The following SCN3A variants were observed in gnomAD, a reference collection of about 807,000 sequenced individuals.
SCN3A encodes the protein sodium voltage-gated channel alpha subunit 3, also known as sodium channel protein type 3 subunit alpha.
A neutral mutation model predicts 187.6 loss-of-function variants in SCN3A; 60 were observed. That is an observed-to-expected ratio of 0.32 (90% confidence interval 0.26 to 0.40). The LOEUF is 0.40. Ranked by LOEUF, SCN3A falls within the 10% of genes least tolerant of loss-of-function variation. The pLI, the probability that SCN3A is intolerant of heterozygous loss-of-function variation, is 1.00. For missense variants in SCN3A, 1,601 were observed against 2,428.2 expected (o/e 0.66, Z 7.16); for synonymous variants, 788 against 829.2 (o/e 0.95, Z 0.85).
In SCN3A at chr2:165,153,870, A is replaced by T. The variant is rs545199124; in HGVS notation, c.1380+582T>A. 2.0e-5 allele frequency among the ~76,000 whole-genome samples: 3 copies of T among 151,794 alleles called. No individual in the cohort carries two copies. The East Asian group carries it at 5.8e-4, about 29-fold the overall frequency. On this transcript the variant is annotated intron_variant, in intron 11 of 27. Transcript: ENST00000283254. Reference sequence around the variant, plus strand: ...TGTTTCCGTCTCTTCTCCTCAACACATTAATGTCCCATTCACTATACCCCT... The same window carrying T: ...TGTTTCCGTCTCTTCTCCTCAACACTTTAATGTCCCATTCACTATACCCCT...
Position 165,092,359 on chromosome 2 carries a change from G to A in SCN3A, c.4702C>T (p.Leu1568=). ...TTCAGCACAAATTCTCCAGTGAACAGAACAATGAACACTAGGTTGATCCGG... is the reference window on the plus strand; with the variant it reads ...TTCAGCACAAATTCTCCAGTGAACAAAACAATGAACACTAGGTTGATCCGG... ...LSRINLVFIV[L]FTGEFVLKLV... is the part of the protein sequence containing the mutation. Residue 1568 remains leucine, a synonymous_variant, in exon 27 of 28, where the codon CTG becomes TTG. Transcript: ENST00000283254. The surrounding 1 kb of genome is among the most constrained non-coding windows in gnomAD (Gnocchi z 4.2). 1.2e-6 allele frequency: 2 copies of A among 1,613,920 alleles called. No individual in the cohort carries two copies. The highest frequency in any genetic ancestry group is 2.2e-5 in the South Asian group (2 of 91,076).
At chr2:165,202,966 T>G (rs1487822839) in intron 1 of SCN3A, among the ~76,000 whole-genome samples, 1 of 152,036 alleles carries the variant, frequency 6.6e-6, no homozygotes, top group Non-Finnish European at 1.5e-5. Flanking sequence ...ATGAAACATT[T>G]ATGGTTATGA....
chr2:165,097,156 G>A (rs1178497731), intron 23 of SCN3A, 96 bp downstream of exon 23: 3 of 1,408,870 alleles, frequency 2.1e-6, no homozygotes, highest in Non-Finnish European at 3.0e-6. Context: ...TTTTCATGCT[G>A]TCAAATGTTA....
intron 19 of SCN3A, among the ~76,000 whole-genome samples, chr2:165,114,544 C>T (rs1686267224): frequency 6.6e-6 from 1 of 152,190 alleles, no homozygotes; most frequent in Non-Finnish European, 1.5e-5. Flanking sequence ...AACTCCCATC[C>T]ACTCTTCTGC....
chr2:165,165,807 A>G (rs4667793), intron 5 of SCN3A, among the ~76,000 whole-genome samples: 34,398 of 152,142 alleles, frequency 0.23, 5,093 homozygotes, highest in East Asian at 0.52. Flanking sequence ...AGACATCAAG[A>G]ATAATTTATG....
chr2:165,174,554 CTGAT>C (rs1259882989), intron 3 of SCN3A, among the ~76,000 whole-genome samples: 1 of 152,148 alleles, frequency 6.6e-6, no homozygotes, highest in African/African-American at 2.4e-5. Context: ...TCTTACCAGC[CTGAT>C]TGATTCTCTT....
Position 165,091,032 on chromosome 2 carries a change from G to T in SCN3A, c.5121C>A (p.Thr1707=), listed in dbSNP as rs11885001. Residue 1707 remains threonine (T), a synonymous_variant, in exon 28 of 28, where the codon ACC becomes ACA. Coordinates refer to ENST00000283254, the MANE Select transcript of SCN3A (RefSeq NM_006922.4). ...CTAGCAATCCATCCCAGCCAGCAGA[G>T]GTTGTAATTTGGAACAAGCAGATCA... is the stretch of plus-strand genomic sequence containing the variant. The part of the protein sequence containing the change: ...NSMICLFQIT[T]SAGWDGLLAP... The T allele has an allele frequency of 4.6e-3, 7,478 of 1,614,074 alleles. 307 individuals carry two copies. In the African/African-American group the frequency reaches 0.088, roughly 19 times the overall value.
intron 1 of SCN3A, among the ~76,000 whole-genome samples, chr2:165,198,676 C>A (rs1208123045): frequency 6.6e-6 from 1 of 152,032 alleles, no homozygotes; most frequent in Non-Finnish European, 1.5e-5. Flanking sequence ...TCAGGCCCAA[C>A]ATGAATGGCT....
chr2:165,163,959 TG>T, intron 6 of SCN3A: 1 of 1,424,770 alleles, frequency 7.0e-7, no homozygotes, highest in Non-Finnish European at 9.8e-7. Context: ...GACTTAATGC[TG>T]GGTTTGGCAC....
At chr2:165,094,334 G>A (rs370178141) in intron 26 of SCN3A, 40 bp downstream of exon 26, 37 of 1,383,206 alleles carry the variant, frequency 2.7e-5, no homozygotes, top group Admixed American at 2.2e-4. Flanking sequence ...CCATATGGAC[G>A]CATGGCTTTG....
At chr2:165,111,471 G>C (rs1412599376) in intron 21 of SCN3A, among the ~76,000 whole-genome samples, 1 of 148,146 alleles carries the variant, frequency 6.8e-6, no homozygotes, top group East Asian at 2.0e-4. Context: ...AAGCCAGTCT[G>C]ATGCCAGTCT....
chr2:165,199,501 T>G (rs961753846), intron 1 of SCN3A, among the ~76,000 whole-genome samples: 9 of 152,062 alleles, frequency 5.9e-5, no homozygotes, highest in African/African-American at 1.9e-4. Flanking sequence ...TTCATAGATC[T>G]TGGGTAAAAC....
intron 24 of SCN3A, among the ~76,000 whole-genome samples, chr2:165,096,091 T>A (rs1281239438): frequency 6.6e-6 from 1 of 152,178 alleles, no homozygotes; most frequent in African/African-American, 2.4e-5. Flanking sequence ...TGAGTGTCCC[T>A]GAAACTTGCT....
Position 165,170,496 on chromosome 2 carries a change from G to A in SCN3A, c.317C>T (p.Ser106Phe). Residue 106 changes from serine (S) to phenylalanine (F), a missense_variant, in exon 4 of 28, where the codon TCT becomes TTT. Coordinates refer to ENST00000283254, the MANE Select transcript of SCN3A (RefSeq NM_006922.4). ...TAGTGGAGTTAAAATATACAAGGCAGAGGTGGCACTGAATCGGAAAATTGC... is the reference window on the plus strand; with the variant it reads ...TAGTGGAGTTAAAATATACAAGGCAAAGGTGGCACTGAATCGGAAAATTGC... ...GKAIFRFSAT[S>F]ALYILTPLNP... 6.2e-7 allele frequency: 1 copy of A among 1,611,754 alleles called. No homozygotes were observed. Among genetic ancestry groups the A allele is most frequent in the Non-Finnish European group, 8.5e-7 (1 of 1,178,466 alleles).
At chr2:165,146,588 T>A (rs1574218191) in intron 12 of SCN3A, 151 bp downstream of exon 12, 1 of 748,502 alleles carries the variant, frequency 1.3e-6, no homozygotes, top group South Asian at 1.9e-5. Context: ...TTGAAGACAA[T>A]CTATTATAAG....
Position 165,101,319 on chromosome 2 carries a change from T to G in SCN3A, c.3844-895A>C, listed in dbSNP as rs193290820. ...AGATCAAAGAAGACATGTCCTTTTT[T>G]GGGGGAGGAAGTTTATTTGCTTTAA... On this transcript the variant is annotated intron_variant, in intron 21 of 27. Transcript: ENST00000283254. 1.4e-3 allele frequency among the ~76,000 whole-genome samples: 218 copies of G among 152,328 alleles called. 1 individual carries two copies. The highest frequency in any genetic ancestry group is 4.9e-3 in the African/African-American group (205 of 41,584).
At chr2:165,141,149 A>G (rs1687988461) in intron 12 of SCN3A, 151 bp from the exon 13 acceptor site, 1 of 604,494 alleles carries the variant, frequency 1.7e-6, no homozygotes, top group Non-Finnish European at 2.9e-6. Flanking sequence ...GAGGACACAT[A>G]TATTTTGATA....
At chr2:165,117,844 G>A (rs1394320849) in intron 18 of SCN3A, among the ~76,000 whole-genome samples, 2 of 152,026 alleles carry the variant, frequency 1.3e-5, no homozygotes, top group Non-Finnish European at 1.5e-5. Context: ...TTTTCCATTT[G>A]AAAACTTTAG....
At chr2:165,094,277 G>C (rs536530522) in intron 26 of SCN3A, 97 bp downstream of exon 26, 3 of 882,914 alleles carry the variant, frequency 3.4e-6, no homozygotes, top group Admixed American at 3.4e-5. Context: ...GCTCAATATT[G>C]GTGATATCAC....
Sources: allele counts gnomAD v4.1 joint callset (sites outside exome capture counted in the v4.1 genomes callset), GRCh38; gene constraint gnomAD v4.1.1; non-coding constraint Gnocchi (gnomAD v3.1); transcripts MANE v1.5; gene names NCBI Gene and HGNC (gene_info 2026-07-23, HGNC 2026-07-21).